Variants in FILIP1L observed in about 807,000 individuals in gnomAD.
FILIP1L encodes filamin A-interacting protein 1-like.
In FILIP1L, 55 loss-of-function variants were observed where a neutral mutation model predicts 96.6. The ratio of observed to expected loss-of-function variants is 0.57; its 90% confidence interval spans 0.46 to 0.71. The LOEUF is 0.71. Ranked by LOEUF, FILIP1L falls within the 30% of genes least tolerant of loss-of-function variation. The probability of loss-of-function intolerance (pLI) is 0.00; values close to 1 mark genes in which losing one functional copy is unlikely to be tolerated. For synonymous variants in FILIP1L, 467 were observed against 473.9 expected, an observed-to-expected ratio of 0.99 and a Z score of 0.19; for missense variants, 1,304 against 1,321.2, an observed-to-expected ratio of 0.99 and a Z score of 0.20.
intron 1 of FILIP1L, among the ~76,000 whole-genome samples, chr3:99,943,194 C>T (rs1310716522): frequency 6.6e-6 from 1 of 152,142 alleles, no homozygotes; most frequent in African/African-American, 2.4e-5. Context: ...GTGGTCAGCT[C>T]ATGCCTATTT....
chr3:99,950,978 T>C (rs1015092764), intron 1 of FILIP1L, among the ~76,000 whole-genome samples: 5 of 152,226 alleles, frequency 3.3e-5, no homozygotes, highest in Admixed American at 3.3e-4. Flanking sequence ...AACTCAAAAC[T>C]TGTTAAGAGG....
chr3:100,055,755 GAGAT>G (rs1230443389), intron 1 of FILIP1L, among the ~76,000 whole-genome samples: 1 of 152,170 alleles, frequency 6.6e-6, no homozygotes, highest in Non-Finnish European at 1.5e-5. Context: ...TTAGAAAAGA[GAGAT>G]AGGCTAGAGA....
chr3:99,989,788 T>C (rs1393874581), intron 1 of FILIP1L, among the ~76,000 whole-genome samples: 3 of 152,020 alleles, frequency 2.0e-5, no homozygotes, highest in Non-Finnish European at 4.4e-5. Flanking sequence ...AAGTTAGATA[T>C]TGATTTGATA....
chr3:99,844,649 T>A (rs971574503), intron 5 of FILIP1L, among the ~76,000 whole-genome samples: 2 of 152,182 alleles, frequency 1.3e-5, no homozygotes, highest in Non-Finnish European at 2.9e-5. Flanking sequence ...TGATAAAATA[T>A]CCCTTCTATG....
At chr3:99,970,489 C>T (rs986925515) in intron 1 of FILIP1L, among the ~76,000 whole-genome samples, 8 of 152,222 alleles carry the variant, frequency 5.3e-5, no homozygotes, top group South Asian at 2.1e-4. Context: ...TATTTGTGTT[C>T]GCTTTCACTC....
chr3:99,899,587 A>G (rs1031017850), intron 4 of FILIP1L, among the ~76,000 whole-genome samples: 1 of 152,160 alleles, frequency 6.6e-6, no homozygotes, highest in African/African-American at 2.4e-5. Flanking sequence ...CCTAACCCCT[A>G]TTGCATTCTT....
In FILIP1L at chr3:100,028,174, C is replaced by G. The variant is rs191720123; in HGVS notation, c.-11+85879G>C. ...TTTATACAGATTATTTTAGTTAATTCTTACATCATTCCATTGAGTTAAATG... is the reference window on the plus strand; with the variant it reads ...TTTATACAGATTATTTTAGTTAATTGTTACATCATTCCATTGAGTTAAATG... On this transcript the variant is annotated intron_variant, in intron 1 of 5. Transcript: ENST00000477258. Among the ~76,000 whole-genome samples the G allele has an allele frequency of 1.5e-4, 23 of 152,290 alleles. No homozygotes were observed. The East Asian group carries it at 3.7e-3, about 24-fold the overall frequency.
chr3:100,001,287 T>G (rs886355233), intron 1 of FILIP1L, among the ~76,000 whole-genome samples: 1 of 152,242 alleles, frequency 6.6e-6, no homozygotes, highest in African/African-American at 2.4e-5. Flanking sequence ...GGAACATGGC[T>G]ATACTCCTTC....
chr3:99,962,557 T>TA (rs1324189259), intron 1 of FILIP1L, among the ~76,000 whole-genome samples: 1 of 152,204 alleles, frequency 6.6e-6, no homozygotes, highest in Non-Finnish European at 1.5e-5. Context: ...GAAGAGATAA[T>TA]ATTGTTTTAA....
chr3:99,896,682 C>G (rs920519681), intron 4 of FILIP1L, among the ~76,000 whole-genome samples: 6 of 152,174 alleles, frequency 3.9e-5, no homozygotes, highest in Non-Finnish European at 8.8e-5. Flanking sequence ...AATTATAATT[C>G]TACAATGATA....
chr3:99,920,871 C>CG (rs1418225998), intron 4 of FILIP1L, among the ~76,000 whole-genome samples: 1 of 152,186 alleles, frequency 6.6e-6, no homozygotes, highest in Non-Finnish European at 1.5e-5. Context: ...ACCTCAATCA[C>CG]GTAGTTCTTA....
intron 1 of FILIP1L, among the ~76,000 whole-genome samples, chr3:99,941,876 T>C (rs1707859497): frequency 3.9e-5 from 6 of 152,214 alleles, no homozygotes; most frequent in Admixed American, 6.5e-5. Flanking sequence ...AACCTTGAAA[T>C]TGATCAACAA....
chr3:100,042,097 T>A (rs1343697676), intron 1 of FILIP1L, among the ~76,000 whole-genome samples: 3 of 152,156 alleles, frequency 2.0e-5, no homozygotes, highest in Non-Finnish European at 4.4e-5. Flanking sequence ...AACATTGTCA[T>A]ATTAATAGAA....
intron 4 of FILIP1L, among the ~76,000 whole-genome samples, chr3:99,916,587 A>G (rs1706962635): frequency 6.6e-6 from 1 of 152,082 alleles, no homozygotes; most frequent in Non-Finnish European, 1.5e-5. Flanking sequence ...GCATTATATA[A>G]TTAGTAATCA....
intron 4 of FILIP1L, among the ~76,000 whole-genome samples, chr3:99,916,513 A>C (rs958404520): frequency 6.6e-6 from 1 of 151,266 alleles, no homozygotes; most frequent in Non-Finnish European, 1.5e-5. Context: ...GACCCTGACA[A>C]ATACAGTGCT....
intron 4 of FILIP1L, among the ~76,000 whole-genome samples, chr3:99,918,881 A>T (rs895384744): frequency 6.6e-6 from 1 of 152,204 alleles, no homozygotes; most frequent in Admixed American, 6.5e-5. Context: ...TCAAATGGAG[A>T]TCTGGCATCC....
intron 5 of FILIP1L, among the ~76,000 whole-genome samples, chr3:99,839,742 C>T (rs1576499440): frequency 6.6e-6 from 1 of 152,152 alleles, no homozygotes; most frequent in Non-Finnish European, 1.5e-5. Context: ...TGAACATGCT[C>T]TCAGCCAGTC....
chr3:100,067,518 T>C (rs1447931755), intron 1 of FILIP1L, among the ~76,000 whole-genome samples: 2 of 152,190 alleles, frequency 1.3e-5, no homozygotes, highest in Non-Finnish European at 2.9e-5. Context: ...CTGACAAAAT[T>C]CACTTCATCT....
chr3:99,869,447 T>C (rs1463767781), intron 4 of FILIP1L, among the ~76,000 whole-genome samples: 1 of 152,224 alleles, frequency 6.6e-6, no homozygotes, highest in Non-Finnish European at 1.5e-5. Flanking sequence ...ATATGAGTGT[T>C]TGAAAAGTAG....
Sources: gnomAD v4.1 joint callset for allele counts (sites outside exome capture counted in the v4.1 genomes callset) on GRCh38, gnomAD v4.1.1 for gene constraint, MANE v1.5 for transcripts, NCBI Gene and HGNC (gene_info 2026-07-23, HGNC 2026-07-21) for gene names.